LUZP2: variants seen among roughly 807,000 people sequenced by gnomAD.
LUZP2 encodes leucine zipper protein 2.
A neutral mutation model predicts 51.6 loss-of-function variants in LUZP2; 52 were observed. The observed-to-expected ratio is 1.01, with a 90% CI of 0.81 to 1.27. The LOEUF is 1.27. Among genes scored for constraint, LUZP2 ranks in the 50% most tolerant of loss-of-function variants. LUZP2 has a pLI of 0.00. For synonymous variants in LUZP2, 154 were observed against 137.3 expected, an observed-to-expected ratio of 1.12 and a Z score of -0.85; for missense variants, 436 against 395.4, an observed-to-expected ratio of 1.10 and a Z score of -0.87.
chr11:24,576,929 A>T (rs1852671910), intron 1 of LUZP2, among the ~76,000 whole-genome samples: 1 of 151,980 alleles, frequency 6.6e-6, no homozygotes, highest in African/African-American at 2.4e-5. Context: ...AAATATAGTA[A>T]TTTTTTAAAA....
intron 9 of LUZP2, among the ~76,000 whole-genome samples, chr11:25,006,397 T>A (rs573114790): frequency 3.3e-5 from 5 of 152,252 alleles, no homozygotes; most frequent in Non-Finnish European, 7.4e-5. Context: ...TCAACCAACT[T>A]TCTGTCAGGA....
intron 7 of LUZP2, among the ~76,000 whole-genome samples, chr11:24,961,133 C>G (rs1221623129): frequency 2.0e-5 from 3 of 152,016 alleles, no homozygotes; most frequent in Non-Finnish European, 2.9e-5. Context: ...AATTTCTGTT[C>G]TTTTACATTT....
chr11:24,663,789 C>G (rs534963223), intron 1 of LUZP2, among the ~76,000 whole-genome samples: 47 of 152,114 alleles, frequency 3.1e-4, no homozygotes, highest in Admixed American at 2.7e-3. Flanking sequence ...CTAGTAAGTT[C>G]TTAAGAGATC....
chr11:25,075,492 G>A (rs1018300908), intron 10 of LUZP2, among the ~76,000 whole-genome samples: 2 of 152,064 alleles, frequency 1.3e-5, no homozygotes, highest in Non-Finnish European at 2.9e-5. Context: ...TTTTTGGTAG[G>A]CATCTAGCTG....
rs570036308 is a variant in LUZP2, at chr11:24,961,566, C to T, written c.523-15025C>T. Among the ~76,000 whole-genome samples the T allele has an allele frequency of 3.9e-5, 6 of 152,122 alleles. No homozygotes were observed. In the South Asian group the frequency reaches 1.2e-3, roughly 32 times the overall value. On this transcript the variant is annotated intron_variant, in intron 7 of 11. Coordinates refer to ENST00000336930, the MANE Select transcript of LUZP2 (RefSeq NM_001009909.4). Reference sequence around the variant, plus strand: ...TCTGTTTTATCAGAGACTAGGATTGCAACCCCTGCCTTTCTTTGTTTTCCA... The same window carrying T: ...TCTGTTTTATCAGAGACTAGGATTGTAACCCCTGCCTTTCTTTGTTTTCCA...
rs988492643 is a variant in LUZP2, at chr11:24,852,489, C to A, written c.397-53502C>A. Among the ~76,000 whole-genome samples the A allele has an allele frequency of 1.6e-4, 25 of 152,028 alleles. No individual in the cohort carries two copies. The East Asian group carries it at 4.6e-3, about 28-fold the overall frequency. On this transcript the variant is annotated intron_variant, in intron 5 of 11. Coordinates refer to ENST00000336930, the MANE Select transcript of LUZP2 (RefSeq NM_001009909.4). The stretch of plus-strand genomic sequence containing the variant: ...TGAGAGACTGTTTGTTATGATTTCC[C>A]TTATTTTGCATTTGCTGAGGAGTGC...
At chr11:24,972,688 G>T (rs1855775773) in intron 7 of LUZP2, among the ~76,000 whole-genome samples, 1 of 151,540 alleles carries the variant, frequency 6.6e-6, no homozygotes, top group Admixed American at 6.6e-5. Context: ...AATCATGTGG[G>T]TTTTTTTTCT....
At chr11:24,532,423 T>C (rs1269551614) in intron 1 of LUZP2, among the ~76,000 whole-genome samples, 1 of 151,054 alleles carries the variant, frequency 6.6e-6, no homozygotes, top group Non-Finnish European at 1.5e-5. Context: ...ACCACAGCTC[T>C]TAGGTTTTCA....
At chr11:25,013,653 T>C (rs1381238646) in intron 9 of LUZP2, among the ~76,000 whole-genome samples, 1 of 152,110 alleles carries the variant, frequency 6.6e-6, no homozygotes, top group African/African-American at 2.4e-5. Context: ...ATTAATCCTT[T>C]GTCATATTTT....
chr11:24,582,514 C>T (rs1309362987), intron 1 of LUZP2, among the ~76,000 whole-genome samples: 1 of 151,952 alleles, frequency 6.6e-6, no homozygotes, highest in Admixed American at 6.6e-5. Context: ...CTTCTACTTT[C>T]TCAACTTTGT....
chr11:24,525,089 C>A lies in LUZP2; in HGVS notation c.62+27784C>A, dbSNP rs570770318. On this transcript the variant is annotated intron_variant, in intron 1 of 11. Transcript: ENST00000336930. ...TCTCCAATTTTTCAGATATTTTCCT[C>A]TCTCAGGGCTGGCTCTGCCTGTTGA... Among the ~76,000 whole-genome samples the A allele has an allele frequency of 2.0e-5, 3 of 151,798 alleles. No individual in the cohort carries two copies. The South Asian group carries it at 6.2e-4, about 31-fold the overall frequency.
At chr11:24,842,486 T>A (rs1851065308) in intron 5 of LUZP2, among the ~76,000 whole-genome samples, 1 of 151,896 alleles carries the variant, frequency 6.6e-6, no homozygotes, top group African/African-American at 2.4e-5. Context: ...ACTATATTAA[T>A]TGCACAACCA....
intron 1 of LUZP2, among the ~76,000 whole-genome samples, chr11:24,602,217 T>TATATATATGCAAAC (rs1853726378): frequency 9.7e-5 from 6 of 61,744 alleles, no homozygotes; most frequent in Non-Finnish European, 1.2e-4. Flanking sequence ...TGTATATATG[T>TATATATATGCAAAC]ATATATGTAC....
At chr11:24,517,928 C>T (rs1850529508) in intron 1 of LUZP2, among the ~76,000 whole-genome samples, 2 of 152,174 alleles carry the variant, frequency 1.3e-5, no homozygotes, top group Non-Finnish European at 2.9e-5. Flanking sequence ...TAAAATAATA[C>T]ATTTTTTCAT....
intron 3 of LUZP2, among the ~76,000 whole-genome samples, chr11:24,737,436 T>C (rs1215736016): frequency 6.6e-6 from 1 of 151,334 alleles, no homozygotes; most frequent in Non-Finnish European, 1.5e-5. Flanking sequence ...TTGCCACACA[T>C]ACAAACACAA....
intron 2 of LUZP2, 132 bp downstream of exon 2, chr11:24,729,418 T>C: frequency 4.1e-6 from 2 of 490,448 alleles, no homozygotes; most frequent in East Asian, 3.1e-5. Flanking sequence ...TACTTACTAT[T>C]ATATGTGCCC....
chr11:24,581,028 A>G (rs1852834115), intron 1 of LUZP2, among the ~76,000 whole-genome samples: 1 of 152,054 alleles, frequency 6.6e-6, no homozygotes, highest in South Asian at 2.1e-4. Context: ...ATCCAGTTAT[A>G]CATATTTCTC....
chr11:24,725,111 C>G lies in LUZP2; in HGVS notation c.63-4058C>G, dbSNP rs369578095. Among the ~76,000 whole-genome samples, 51 of 152,152 alleles carry G rather than the reference C, an allele frequency of 3.4e-4. No homozygotes were observed. The South Asian group carries it at 9.5e-3, about 28-fold the overall frequency. On this transcript the variant is annotated intron_variant, in intron 1 of 11. Coordinates refer to ENST00000336930, the MANE Select transcript of LUZP2 (RefSeq NM_001009909.4). ...TTTACAGAAAATTGACATGCTTATT[C>G]TAAAATTCATTCAGAAGAAACAAAA... is the stretch of plus-strand genomic sequence containing the variant.
intron 4 of LUZP2, among the ~76,000 whole-genome samples, chr11:24,748,948 T>C (rs115730080): frequency 9.2e-5 from 14 of 152,220 alleles, no homozygotes; most frequent in African/African-American, 3.1e-4. Flanking sequence ...TTTTAGAAAA[T>C]TAAAACATTT....
Sources: gnomAD v4.1 joint callset for allele counts (sites outside exome capture counted in the v4.1 genomes callset) on GRCh38, gnomAD v4.1.1 for gene constraint, MANE v1.5 for transcripts, NCBI Gene and HGNC (gene_info 2026-07-23, HGNC 2026-07-21) for gene names.